TENM3: variants seen among roughly 807,000 people sequenced by gnomAD.
TENM3 encodes teneurin transmembrane protein 3.
In TENM3, 63 loss-of-function variants were observed where a neutral mutation model predicts 255.1. That is an observed-to-expected ratio of 0.25 (90% CI 0.20 to 0.30). The LOEUF (loss-of-function observed/expected upper bound fraction) is 0.30. Among genes scored for constraint, TENM3 ranks in the 10% least tolerant of loss-of-function variants. TENM3 has a pLI of 1.00. For missense variants in TENM3, 2,929 were observed against 3,461.1 expected (o/e 0.85, Z 3.86); for synonymous variants, 1,306 against 1,322.3 (o/e 0.99, Z 0.27).
At chr4:182,430,428 G>T (rs901001690) in intron 3 of TENM3, among the ~76,000 whole-genome samples, 6 of 151,312 alleles carry the variant, frequency 4.0e-5, no homozygotes, top group African/African-American at 1.5e-4. Context: ...GGCACTTGTT[G>T]TCCCAGCTAC....
At position 182,628,312 on chromosome 4, in the gene TENM3, T is replaced by C. The variant is rs150065329; in HGVS notation, c.750-339T>C. 2.8e-3 allele frequency among the ~76,000 whole-genome samples: 420 copies of C among 152,294 alleles called. 2 individuals are homozygous for C. Among genetic ancestry groups the C allele is most frequent in the African/African-American group, 9.7e-3 (403 of 41,572 alleles). On this transcript the variant is annotated intron_variant, in intron 4 of 27. Transcript: ENST00000511685. ...TCTTAGGGTAATTCATCAAGGGACA[T>C]TCCAAAATGGTTTTGTTCAGGAAAC...
rs79570207 is a variant in TENM3 at position 182,598,650 on chromosome 4, A to C, written c.512-2274A>C. Among the ~76,000 whole-genome samples, 988 of 152,324 alleles carry C rather than the reference A, an allele frequency of 6.5e-3. 37 individuals are homozygous for C. The East Asian group carries it at 0.098, about 15-fold the overall frequency. On this transcript the variant is annotated intron_variant, in intron 3 of 27. Transcript: ENST00000511685. ...TAATGCTTTATTTTACCATTTACACAGAGCTTTCATCCGTGACTGACGTAG... is the reference window on the plus strand; with the variant it reads ...TAATGCTTTATTTTACCATTTACACCGAGCTTTCATCCGTGACTGACGTAG...
At chr4:181,602,242 C>G in the TENM3 span, among the ~76,000 whole-genome samples, 1 of 152,204 alleles carries the variant, frequency 6.6e-6, no homozygotes, top group African/African-American at 2.4e-5. Context: ...ACAATTTAGA[C>G]TCCCACAGCA....
intron 6 of TENM3, among the ~76,000 whole-genome samples, chr4:182,671,747 A>G (rs891400893): frequency 6.6e-6 from 1 of 152,234 alleles, no homozygotes; most frequent in Non-Finnish European, 1.5e-5. Flanking sequence ...CTTCACAGAT[A>G]GTTAGAAGCC....
chr4:182,578,068 C>A (rs1745112014), intron 3 of TENM3, among the ~76,000 whole-genome samples: 1 of 151,984 alleles, frequency 6.6e-6, no homozygotes, highest in Admixed American at 6.6e-5. Context: ...GCTCCACCTC[C>A]CAGGTTCAAG....
intron 7 of TENM3, among the ~76,000 whole-genome samples, chr4:182,673,841 C>T (rs768411677): frequency 2.6e-4 from 39 of 152,294 alleles, no homozygotes; most frequent in Middle Eastern, 3.4e-3. Context: ...ACTTTAAAGT[C>T]GTTTCCCTTG....
intron 13 of TENM3, among the ~76,000 whole-genome samples, chr4:182,718,705 A>G (rs563050912): frequency 2.0e-5 from 3 of 152,268 alleles, no homozygotes; most frequent in African/African-American, 7.2e-5. Flanking sequence ...TGACAAGAAT[A>G]CCAGTGCTGA....
At chr4:181,574,068 C>T in the TENM3 span, among the ~76,000 whole-genome samples, 13 of 152,116 alleles carry the variant, frequency 8.5e-5, no homozygotes, top group Admixed American at 2.0e-4. Context: ...TTGAAACTCC[C>T]CGAAGATTTA....
chr4:181,657,776 C>T, the TENM3 span, among the ~76,000 whole-genome samples: 2 of 149,824 alleles, frequency 1.3e-5, no homozygotes, highest in Non-Finnish European at 3.0e-5. Context: ...GATACATAAT[C>T]ATCATGGAAT....
chr4:182,043,144 G>A, the TENM3 span, among the ~76,000 whole-genome samples: 11 of 152,178 alleles, frequency 7.2e-5, no homozygotes, highest in East Asian at 1.7e-3. Context: ...ACTTTAATAA[G>A]CATTCCTGCG....
At chr4:181,874,072 C>G in the TENM3 span, among the ~76,000 whole-genome samples, 3 of 151,812 alleles carry the variant, frequency 2.0e-5, no homozygotes, top group Non-Finnish European at 2.9e-5. Flanking sequence ...CGTGAGCCAC[C>G]GAGCCCAGCC....
chr4:181,809,018 C>T, the TENM3 span, among the ~76,000 whole-genome samples: 11 of 152,140 alleles, frequency 7.2e-5, no homozygotes, highest in African/African-American at 1.2e-4. Context: ...TGACATACAC[C>T]GGAGAGAAAA....
chr4:182,728,969 A>G lies in TENM3; in HGVS notation c.2373A>G (p.Gly791=). The stretch of plus-strand genomic sequence containing the variant: ...GGGGAACATTTCTCTCTACAGATGG[A>G]CTCATTGACTGCATGGATCCCGATT... ...CTDSKDNEGD[G]LIDCMDPDCC... is the part of the protein sequence containing the mutation. Residue 791 remains glycine (G), a synonymous_variant, in exon 14 of 28, where the codon GGA becomes GGG. Coordinates refer to ENST00000511685, the MANE Select transcript of TENM3 (RefSeq NM_001080477.4). The G allele has an allele frequency of 6.2e-7, 1 of 1,613,446 alleles. No homozygotes were observed.
chr4:181,559,870 C>T, the TENM3 span, among the ~76,000 whole-genome samples: 1 of 152,170 alleles, frequency 6.6e-6, no homozygotes. Flanking sequence ...CATTGAGAAA[C>T]CACAGGCTTC....
intron 3 of TENM3, among the ~76,000 whole-genome samples, chr4:182,402,260 A>G (rs1247525591): frequency 6.6e-6 from 1 of 152,202 alleles, no homozygotes; most frequent in Non-Finnish European, 1.5e-5. Flanking sequence ...TTTTATTCAA[A>G]ACTATACGCG....
intron 5 of TENM3, among the ~76,000 whole-genome samples, chr4:182,643,090 C>T (rs1355416777): frequency 6.6e-6 from 1 of 152,222 alleles, no homozygotes; most frequent in African/African-American, 2.4e-5. Flanking sequence ...CTGCAGTCTT[C>T]ACATGCGATA....
At chr4:181,577,003 A>G in the TENM3 span, among the ~76,000 whole-genome samples, 1 of 130,072 alleles carries the variant, frequency 7.7e-6, no homozygotes, top group Non-Finnish European at 1.6e-5. Flanking sequence ...TATATATATA[A>G]TATATATATA....
At chr4:182,048,182 A>G in the TENM3 span, among the ~76,000 whole-genome samples, 3 of 152,206 alleles carry the variant, frequency 2.0e-5, no homozygotes, top group Non-Finnish European at 4.4e-5. Flanking sequence ...ACAAATTTAG[A>G]TATTCCAGAG....
At chr4:181,673,781 C>G in the TENM3 span, among the ~76,000 whole-genome samples, 1 of 151,910 alleles carries the variant, frequency 6.6e-6, no homozygotes, top group Non-Finnish European at 1.5e-5. Flanking sequence ...CTAGATTACA[C>G]CAATTTCCAT....
Sources: allele counts gnomAD v4.1 joint callset (sites outside exome capture counted in the v4.1 genomes callset), GRCh38; gene constraint gnomAD v4.1.1; transcripts MANE v1.5; gene names NCBI Gene and HGNC (gene_info 2026-07-23, HGNC 2026-07-21).